Variants in SYCP1 observed in about 807,000 individuals in gnomAD.
SYCP1 encodes synaptonemal complex protein 1, also known as cancer/testis antigen 8.
SYCP1 carries 64 observed loss-of-function variants against 153.1 expected under a neutral mutation model. That is an observed-to-expected ratio of 0.42 (90% CI 0.34 to 0.51). The LOEUF (loss-of-function observed/expected upper bound fraction) is 0.51, where lower values mean the gene tolerates loss of function less well. Among genes scored for constraint, SYCP1 ranks in the 20% least tolerant of loss-of-function variants. SYCP1 has a pLI of 0.06. For missense variants in SYCP1, 997 were observed against 1,049.0 expected (o/e 0.95, Z 0.68); for synonymous variants, 384 against 341.8 (o/e 1.12, Z -1.36).
chr1:114,875,264 T>C (rs1400107147), intron 9 of SYCP1, among the ~76,000 whole-genome samples: 7 of 146,264 alleles, frequency 4.8e-5, no homozygotes, highest in African/African-American at 7.5e-5. Context: ...TTGTCTTCTT[T>C]TTTTTTTTTT....
chr1:114,959,256 G>A (rs1671632319), intron 27 of SYCP1, among the ~76,000 whole-genome samples: 1 of 152,184 alleles, frequency 6.6e-6, no homozygotes, highest in East Asian at 1.9e-4. Context: ...TTAATATTAT[G>A]TATTACAGTA....
intron 16 of SYCP1, among the ~76,000 whole-genome samples, chr1:114,908,461 C>T (rs1407098014): frequency 6.6e-6 from 1 of 152,020 alleles, no homozygotes; most frequent in East Asian, 1.9e-4. Context: ...TTTTTGCTGT[C>T]TTCTCCTTCT....
At chr1:114,895,132 C>T (rs1666973109) in intron 15 of SYCP1, among the ~76,000 whole-genome samples, 2 of 152,164 alleles carry the variant, frequency 1.3e-5, no homozygotes, top group Middle Eastern at 3.4e-3. Flanking sequence ...GATGTTTAGA[C>T]AGTGATGAGT....
intron 8 of SYCP1, among the ~76,000 whole-genome samples, chr1:114,861,209 C>T (rs904814613): frequency 6.6e-6 from 1 of 152,024 alleles, no homozygotes; most frequent in Non-Finnish European, 1.5e-5. Context: ...TGTTTATTTT[C>T]AATCTAAATA....
chr1:114,949,903 G>T (rs1670980809), intron 27 of SYCP1, among the ~76,000 whole-genome samples: 1 of 152,054 alleles, frequency 6.6e-6, no homozygotes, highest in Non-Finnish European at 1.5e-5. Flanking sequence ...ACATCGTATT[G>T]TGTTTCTTTC....
At position 114,886,237 on chromosome 1, in the gene SYCP1, A is replaced by C; in HGVS notation, c.1118A>C (p.His373Pro). 1 of 1,610,298 alleles carries C rather than the reference A, an allele frequency of 6.2e-7. No individual in the cohort carries two copies. Among genetic ancestry groups the C allele is most frequent in the Non-Finnish European group, 8.5e-7 (1 of 1,178,322 alleles). ...MEESNKARAA[H>P]SFVVTEFETT... ...GAATCTAATAAAGCTAGAGCTGCTC[A>C]TTCGTTTGTGGTTACTGAATTTGAA... Residue 373 changes from histidine (H) to proline (P), a missense_variant, in exon 14 of 32, where the codon CAT becomes CCT. Physicochemically the swap from His to Pro is moderately conservative, Grantham distance 77 (BLOSUM62 -2). This residue lies in a region of SYCP1 where 712 missense variants were observed against 682.9 expected (regional missense o/e 1.04). Coordinates refer to ENST00000369522, the MANE Select transcript of SYCP1 (RefSeq NM_003176.4).
intron 27 of SYCP1, among the ~76,000 whole-genome samples, chr1:114,958,905 G>C (rs1671609294): frequency 6.6e-6 from 1 of 150,816 alleles, no homozygotes; most frequent in Non-Finnish European, 1.5e-5. Flanking sequence ...ACTCCAGCCT[G>C]GGCAACAGAG....
intron 27 of SYCP1, among the ~76,000 whole-genome samples, chr1:114,950,967 G>C (rs990769793): frequency 1.3e-5 from 2 of 151,978 alleles, no homozygotes; most frequent in African/African-American, 4.8e-5. Context: ...TGGGACTACA[G>C]GTGTCTGCCA....
intron 23 of SYCP1, among the ~76,000 whole-genome samples, chr1:114,937,217 A>T (rs920835175): frequency 6.6e-6 from 1 of 152,228 alleles, no homozygotes; most frequent in African/African-American, 2.4e-5. Flanking sequence ...ATGGAACAGA[A>T]CAGAGCCCTC....
intron 27 of SYCP1, among the ~76,000 whole-genome samples, chr1:114,971,690 T>G (rs1215077550): frequency 1.3e-5 from 2 of 152,212 alleles, no homozygotes. Flanking sequence ...TCAATTGAAA[T>G]GATCATATGG....
chr1:114,918,681 T>C (rs1668666160), intron 20 of SYCP1, among the ~76,000 whole-genome samples: 1 of 152,104 alleles, frequency 6.6e-6, no homozygotes, highest in African/African-American at 2.4e-5. Flanking sequence ...CAGTGTTTTA[T>C]AGTTTGCATT....
At chr1:114,964,337 G>A (rs1054189293) in intron 27 of SYCP1, among the ~76,000 whole-genome samples, 6 of 152,192 alleles carry the variant, frequency 3.9e-5, no homozygotes, top group African/African-American at 1.4e-4. Flanking sequence ...TGTTCACTCT[G>A]ATGATAGTTT....
intron 23 of SYCP1, among the ~76,000 whole-genome samples, chr1:114,936,248 A>G (rs752178466): frequency 9.9e-5 from 15 of 152,212 alleles, no homozygotes; most frequent in Non-Finnish European, 1.8e-4. Context: ...CTGATTCAAC[A>G]TACGCAAATC....
intron 15 of SYCP1, among the ~76,000 whole-genome samples, chr1:114,889,724 A>C (rs961694462): frequency 6.6e-6 from 1 of 152,114 alleles, no homozygotes; most frequent in African/African-American, 2.4e-5. Flanking sequence ...CCATTTATCA[A>C]TTTTGGCTTC....
intron 8 of SYCP1, among the ~76,000 whole-genome samples, chr1:114,870,408 T>G (rs546444789): frequency 6.6e-6 from 1 of 152,142 alleles, no homozygotes; most frequent in African/African-American, 2.4e-5. Flanking sequence ...TCTTTTTATA[T>G]GATTATTTGC....
chr1:114,904,251 G>A (rs1167705357), intron 16 of SYCP1, among the ~76,000 whole-genome samples: 1 of 151,714 alleles, frequency 6.6e-6, no homozygotes, highest in Non-Finnish European at 1.5e-5. Context: ...CGAGTAGCTG[G>A]GACTACAGGT....
chr1:114,875,261 CTT>C (rs561059800), intron 9 of SYCP1, among the ~76,000 whole-genome samples: 4 of 112,018 alleles, frequency 3.6e-5, no homozygotes, highest in East Asian at 2.4e-4. Flanking sequence ...ACTTTGTCTT[CTT>C]TTTTTTTTTT....
intron 29 of SYCP1, among the ~76,000 whole-genome samples, chr1:114,983,911 T>C (rs1309269262): frequency 2.0e-5 from 3 of 151,954 alleles, no homozygotes; most frequent in African/African-American, 7.2e-5. Context: ...TTAAATTACA[T>C]TTAATTTAAT....
At chr1:114,949,157 G>A (rs777702902) in intron 27 of SYCP1, among the ~76,000 whole-genome samples, 1 of 152,154 alleles carries the variant, frequency 6.6e-6, no homozygotes, top group Non-Finnish European at 1.5e-5. Context: ...ATGTTTAGGC[G>A]AAATTTTCTT....
Sources: gnomAD v4.1 joint callset for allele counts (sites outside exome capture counted in the v4.1 genomes callset) on GRCh38, gnomAD v4.1.1 for gene constraint, gnomAD v4.1.1 regional missense constraint, MANE v1.5 for transcripts, NCBI Gene and HGNC (gene_info 2026-07-23, HGNC 2026-07-21) for gene names.